DOT1L: variants seen among roughly 807,000 people sequenced by gnomAD.
DOT1L encodes histone-lysine N-methyltransferase, H3 lysine-79 specific.
A neutral mutation model predicts 153.3 loss-of-function variants in DOT1L; 33 were observed. That is an observed-to-expected ratio of 0.22 (90% confidence interval 0.16 to 0.29). The LOEUF is 0.29. DOT1L is among the 10% of genes least tolerant of loss of function. The probability of loss-of-function intolerance (pLI) is 1.00; values close to 1 mark genes in which losing one functional copy is unlikely to be tolerated. For synonymous variants in DOT1L, 1,135 were observed against 965.1 expected (o/e 1.18, Z -3.26); for missense variants, 1,847 against 2,119.9 (o/e 0.87, Z 2.53).
chr19:2,190,904 C>A lies in DOT1L; in HGVS notation c.265-108C>A. On this transcript the variant is annotated intron_variant, in intron 4 of 27. Transcript: ENST00000398665. The surrounding 1 kb of genome is among the most constrained non-coding windows in gnomAD (Gnocchi z 4.8). ...AGCCACCCTGCAGGGGGACGAGAGG[C>A]CATGCAGCCGACTCCCTGCTTCCGC... 9.6e-7 allele frequency: 1 copy of A among 1,041,710 alleles called. No homozygotes were observed. Among genetic ancestry groups the A allele is most frequent in the Non-Finnish European group, 1.4e-6 (1 of 718,736 alleles). The allele number at this position is 1,041,710 out of a possible 1,614,324, so 64.5% of individuals were successfully genotyped here. A position where few individuals can be genotyped will look rare whatever the true frequency, so the allele number is the denominator to read the frequency against.
At chr19:2,218,478 C>T (rs2023985647) in intron 22 of DOT1L, among the ~76,000 whole-genome samples, 1 of 151,876 alleles carries the variant, frequency 6.6e-6, no homozygotes. Context: ...ACTGCAAGCT[C>T]CACCTCCCGG....
rs1490133125 is a variant in DOT1L, at chr19:2,191,373, C to T, written c.493+133C>T. On this transcript the variant is annotated intron_variant, in intron 5 of 27. Coordinates refer to ENST00000398665, the MANE Select transcript of DOT1L (RefSeq NM_032482.3). The surrounding 1 kb of genome is among the most constrained non-coding windows in gnomAD (Gnocchi z 6.8). The stretch of plus-strand genomic sequence containing the variant: ...CGTGGACAGTGCTTCCTTCTCCCAG[C>T]GCCTCTGTCCCGCTGTGGGGCCGTT... 32 of 911,646 alleles carry T rather than the reference C, an allele frequency of 3.5e-5. No homozygotes were observed. Among genetic ancestry groups the T allele is most frequent in the East Asian group, 2.5e-4 (10 of 39,258 alleles). The allele number at this position is 911,646 out of a possible 1,614,324, so 56.5% of individuals were successfully genotyped here.
intron 7 of DOT1L, among the ~76,000 whole-genome samples, chr19:2,196,971 C>T (rs1425982879): frequency 1.3e-5 from 2 of 151,978 alleles, no homozygotes; most frequent in East Asian, 3.9e-4. Flanking sequence ...TTCTGTTCCT[C>T]ACCCCGTTGC....
chr19:2,171,821 G>C (rs565262800), intron 1 of DOT1L, among the ~76,000 whole-genome samples: 20 of 152,302 alleles, frequency 1.3e-4, no homozygotes, highest in African/African-American at 4.6e-4. Context: ...TTTGGGCCTC[G>C]TTTGCGGGCT....
chr19:2,170,072 T>A (rs2020068644), intron 1 of DOT1L, among the ~76,000 whole-genome samples: 1 of 152,154 alleles, frequency 6.6e-6, no homozygotes, highest in Non-Finnish European at 1.5e-5. Flanking sequence ...AGGGGGAGGC[T>A]GCAGTGAGCT....
Position 2,207,804 on chromosome 19 carries a change from C to G in DOT1L, c.963+124C>G, listed in dbSNP as rs868699423. On this transcript the variant is annotated intron_variant, in intron 11 of 27. Transcript: ENST00000398665. The surrounding 1 kb of genome is among the most constrained non-coding windows in gnomAD (Gnocchi z 4.5). ...TCCCCTCAGAGCCCTCAACGCCCCC[C>G]GGCCCCTGAGCTCAGGCCCAGCTCC... 1.5e-5 allele frequency: 13 copies of G among 891,398 alleles called. No homozygotes were observed. Among genetic ancestry groups the G allele is most frequent in the Non-Finnish European group, 2.2e-5 (13 of 596,876 alleles). The allele number at this position is 891,398 out of a possible 1,614,324, so 55.2% of individuals were successfully genotyped here. A position where few individuals can be genotyped will look rare whatever the true frequency, so the allele number is the denominator to read the frequency against.
chr19:2,199,081 G>GT (rs1311356941), intron 7 of DOT1L, among the ~76,000 whole-genome samples: 1 of 152,254 alleles, frequency 6.6e-6, no homozygotes, highest in Non-Finnish European at 1.5e-5. Flanking sequence ...GGAGGTGGTA[G>GT]TGTTTTTGAA....
chr19:2,220,355 G>A lies in DOT1L; in HGVS notation c.2806+133G>A, dbSNP rs908532907. 32 of 864,492 alleles carry A rather than the reference G, an allele frequency of 3.7e-5. No individual in the cohort carries two copies. Among genetic ancestry groups the A allele is most frequent in the Middle Eastern group, 4.3e-4 (2 of 4,702 alleles). 53.6% of individuals were successfully genotyped at this position (864,492 alleles called of 1,614,324 possible). The stretch of plus-strand genomic sequence containing the variant: ...GGGGGCTGCTGCCCCAAACCGCCAC[G>A]CCTCATTACTGACACCCTTTCCTGC... On this transcript the variant is annotated intron_variant, in intron 23 of 27. Transcript: ENST00000398665. This position sits in a 1 kb window ranked among gnomAD's most constrained non-coding sequence, Gnocchi z 4.5.
Position 2,222,948 on chromosome 19 carries a change from C to G in DOT1L, c.3391-333C>G, listed in dbSNP as rs921533452. On this transcript the variant is annotated intron_variant, in intron 24 of 27. Transcript: ENST00000398665. This position sits in a 1 kb window ranked among gnomAD's most constrained non-coding sequence, Gnocchi z 6.5. ...ATGACTGAGCCCGGCCATCCTCCAC[C>G]ACGTGCGGCCTGGCAGCCTGGGAAG... The G allele has an allele frequency of 2.3e-6, 1 of 441,816 alleles. No homozygotes were observed. Among genetic ancestry groups the G allele is most frequent in the Non-Finnish European group, 4.0e-6 (1 of 248,468 alleles). The allele number at this position is 441,816 out of a possible 1,614,324, so 27.4% of individuals were successfully genotyped here.
At chr19:2,219,507 G>A (rs1232164722) in intron 22 of DOT1L, among the ~76,000 whole-genome samples, 1 of 152,162 alleles carries the variant, frequency 6.6e-6, no homozygotes, top group Non-Finnish European at 1.5e-5. Context: ...CTTCATCCGT[G>A]CCCAGTTGAT....
chr19:2,213,687 G>A (rs753973783), intron 17 of DOT1L, 47 bp downstream of exon 17: 3 of 1,609,450 alleles, frequency 1.9e-6, no homozygotes, highest in Non-Finnish European at 2.5e-6. Flanking sequence ...TGGGGCGCAG[G>A]CTGGGGTGGT....
At chr19:2,218,127 G>A (rs2023972440) in intron 22 of DOT1L, among the ~76,000 whole-genome samples, 1 of 152,226 alleles carries the variant, frequency 6.6e-6, no homozygotes, top group African/African-American at 2.4e-5. Flanking sequence ...TGAAAGGTAC[G>A]TGTGCAAGTG....
rs1025511560 is a variant in DOT1L, at chr19:2,208,550, C to G, written c.964-385C>G. 5.3e-5 allele frequency among the ~76,000 whole-genome samples: 8 copies of G among 152,348 alleles called. No individual in the cohort carries two copies. Among genetic ancestry groups the G allele is most frequent in the Admixed American group, 5.2e-4 (8 of 15,304 alleles). On this transcript the variant is annotated intron_variant, in intron 11 of 27. Coordinates refer to ENST00000398665, the MANE Select transcript of DOT1L (RefSeq NM_032482.3). This position sits in a 1 kb window ranked among gnomAD's most constrained non-coding sequence, Gnocchi z 4.4. ...GTGCGGCCCCCACCTCCACGCAGTG[C>G]TGCTGCTTCAGCTGCCCTGGCACTG...
At chr19:2,172,705 A>G (rs886617927) in intron 1 of DOT1L, among the ~76,000 whole-genome samples, 1 of 151,556 alleles carries the variant, frequency 6.6e-6, no homozygotes, top group Non-Finnish European at 1.5e-5. Context: ...GGGTTTCACC[A>G]TGTTAATCAG....
rs948574638 is a variant in DOT1L at position 2,204,031 on chromosome 19, G to A, written c.787+1252G>A. Among the ~76,000 whole-genome samples, 1 of 152,244 alleles carries A rather than the reference G, an allele frequency of 6.6e-6. No individual in the cohort carries two copies. The highest frequency in any genetic ancestry group is 1.5e-5 in the Non-Finnish European group (1 of 68,044). ...TCAGGCCTCCCAAACAAAACCCAGAGGGTCTGCAGCTGCCTTCAGCACCAA... is the reference window on the plus strand; with the variant it reads ...TCAGGCCTCCCAAACAAAACCCAGAAGGTCTGCAGCTGCCTTCAGCACCAA... On this transcript the variant is annotated intron_variant, in intron 9 of 27. Coordinates refer to ENST00000398665, the MANE Select transcript of DOT1L (RefSeq NM_032482.3). This position sits in a 1 kb window ranked among gnomAD's most constrained non-coding sequence, Gnocchi z 5.7.
chr19:2,226,185 G>A lies in DOT1L; in HGVS notation c.3664G>A (p.Gly1222Ser). Reference sequence around the variant, plus strand: ...CTTCTGCCTTTCCTCTTTGCCAGGTGGTGGCTTGGCGGGAAGGAAGCCCGC... The same window carrying A: ...CTTCTGCCTTTCCTCTTTGCCAGGTAGTGGCTTGGCGGGAAGGAAGCCCGC... ...KSPPKTLENG[G>S]GLAGRKPAPA... Residue 1222 changes from glycine (G) to serine (S), a missense_variant and splice_region_variant, in exon 27 of 28, where the codon GGT (glycine) becomes AGT (serine). Physicochemically the swap from Gly to Ser is moderately conservative, Grantham distance 56. This residue lies in a region of DOT1L where 934 missense variants were observed against 825.3 expected (regional missense o/e 1.13). Coordinates refer to ENST00000398665, the MANE Select transcript of DOT1L (RefSeq NM_032482.3). The A allele has an allele frequency of 6.6e-7, 1 of 1,515,900 alleles. No individual in the cohort carries two copies. The highest frequency in any genetic ancestry group is 8.8e-7 in the Non-Finnish European group (1 of 1,130,356). 93.9% of individuals were successfully genotyped at this position (1,515,900 alleles called of 1,614,324 possible).
At chr19:2,178,542 C>T (rs1035473399) in intron 1 of DOT1L, among the ~76,000 whole-genome samples, 4 of 151,706 alleles carry the variant, frequency 2.6e-5, no homozygotes, top group African/African-American at 7.3e-5. Flanking sequence ...CTCTGCCTCC[C>T]GAGTAGCTGG....
At chr19:2,225,845 G>A (rs1158387284) in intron 26 of DOT1L, among the ~76,000 whole-genome samples, 2 of 152,042 alleles carry the variant, frequency 1.3e-5, no homozygotes, top group East Asian at 1.9e-4. Flanking sequence ...CTTCCCTCCC[G>A]CAGGCTGCTG....
intron 12 of DOT1L, among the ~76,000 whole-genome samples, chr19:2,209,963 A>G (rs1232623058): frequency 6.6e-6 from 1 of 152,124 alleles, no homozygotes; most frequent in Non-Finnish European, 1.5e-5. Flanking sequence ...GCCCTCCACT[A>G]ACTCACATCA....
Sources: gnomAD v4.1 joint callset for allele counts (sites outside exome capture counted in the v4.1 genomes callset) on GRCh38, gnomAD v4.1.1 for gene constraint, gnomAD v4.1.1 regional missense constraint, Gnocchi (gnomAD v3.1) non-coding constraint, MANE v1.5 for transcripts, NCBI Gene and HGNC (gene_info 2026-07-23, HGNC 2026-07-21) for gene names.